IL1RAPL1: variants seen among roughly 807,000 people sequenced by gnomAD.
IL1RAPL1 encodes interleukin 1 receptor accessory protein like 1.
In IL1RAPL1, 3 loss-of-function variants were observed where a neutral mutation model predicts 48.4. The ratio of observed to expected loss-of-function variants is 0.06; its 90% CI spans 0.03 to 0.16. The LOEUF is 0.16. IL1RAPL1 is among the 10% of genes least tolerant of loss of function. The pLI is 1.00. For missense variants in IL1RAPL1, 349 were observed against 530.6 expected (o/e 0.66, Z 3.36); for synonymous variants, 185 against 187.7 (o/e 0.99, Z 0.12).
At chrX:29,732,587 A>G (rs1230468954) in intron 6 of IL1RAPL1, among the ~76,000 whole-genome samples, 1 of 112,239 alleles carries the variant, frequency 8.9e-6, no homozygotes, top group Non-Finnish European at 1.9e-5. Context: ...CTTCCACATA[A>G]TGAACATCCT....
chrX:29,221,738 C>T (rs1020126476), intron 2 of IL1RAPL1, among the ~76,000 whole-genome samples: 4 of 110,159 alleles, frequency 3.6e-5, no homozygotes, highest in East Asian at 5.7e-4. Flanking sequence ...ATGGGCCAGG[C>T]GCAGTGGCTC....
At position 28,734,787 on chromosome X, in the gene IL1RAPL1, T is replaced by C. The variant is rs1399674959; in HGVS notation, c.-24-54533T>C. Among the ~76,000 whole-genome samples, 3 of 112,123 alleles carry C rather than the reference T, an allele frequency of 2.7e-5. No homozygotes were observed. In the East Asian group the frequency reaches 8.4e-4, roughly 31 times the overall value. ...CATTTACTGGTTGGATCAGTACCTATTATTTTGTAGGCACTCAATAAATAC... is the reference window on the plus strand; with the variant it reads ...CATTTACTGGTTGGATCAGTACCTACTATTTTGTAGGCACTCAATAAATAC... On this transcript the variant is annotated intron_variant, in intron 1 of 10. Coordinates refer to ENST00000378993, the MANE Select transcript of IL1RAPL1 (RefSeq NM_014271.4).
At chrX:29,510,658 C>G (rs1342667112) in intron 5 of IL1RAPL1, among the ~76,000 whole-genome samples, 1 of 111,668 alleles carries the variant, frequency 9.0e-6, no homozygotes, top group Non-Finnish European at 1.9e-5. Context: ...GTGACATTGC[C>G]CATAGACTGC....
At chrX:29,207,144 T>G (rs1381941886) in intron 2 of IL1RAPL1, among the ~76,000 whole-genome samples, 3 of 111,491 alleles carry the variant, frequency 2.7e-5, no homozygotes, top group Non-Finnish European at 5.6e-5. Flanking sequence ...GTTCTGTAAG[T>G]GGAATTTTAA....
chrX:29,117,164 T>C (rs1281663786), intron 2 of IL1RAPL1, among the ~76,000 whole-genome samples: 1 of 111,465 alleles, frequency 9.0e-6, no homozygotes, highest in Non-Finnish European at 1.9e-5. Context: ...AAGGACTTGA[T>C]ATGGAAATGA....
chrX:29,885,592 C>A (rs747485144), intron 6 of IL1RAPL1, among the ~76,000 whole-genome samples: 5 of 111,710 alleles, frequency 4.5e-5, no homozygotes, highest in African/African-American at 6.5e-5. Context: ...AGGAGAATCT[C>A]TTGAGGCCAG....
At chrX:28,916,302 CT>C (rs962293040) in intron 2 of IL1RAPL1, among the ~76,000 whole-genome samples, 17 of 111,358 alleles carry the variant, frequency 1.5e-4, no homozygotes, top group African/African-American at 5.2e-4. Context: ...GGGACACTGG[CT>C]TTTTATTCTC....
intron 1 of IL1RAPL1, among the ~76,000 whole-genome samples, chrX:28,627,840 A>G (rs1429688039): frequency 9.1e-6 from 1 of 109,995 alleles, no homozygotes; most frequent in African/African-American, 3.3e-5. Flanking sequence ...CTCTTACTTT[A>G]TTGGGTCACA....
At chrX:29,534,272 G>A (rs1034994152) in intron 5 of IL1RAPL1, among the ~76,000 whole-genome samples, 6 of 111,690 alleles carry the variant, frequency 5.4e-5, no homozygotes, top group African/African-American at 2.0e-4. Context: ...CGAGCCCTCT[G>A]TTAAAACTCA....
chrX:29,310,323 CTCTTA>C (rs976352903), intron 3 of IL1RAPL1, among the ~76,000 whole-genome samples: 4 of 104,516 alleles, frequency 3.8e-5, no homozygotes, highest in African/African-American at 1.2e-4. Flanking sequence ...GACTTCTTTT[CTCTTA>C]TATTAGTTGG....
chrX:29,153,233 G>A lies in IL1RAPL1; in HGVS notation c.83-129705G>A, dbSNP rs145358877. Among the ~76,000 whole-genome samples, 9 of 111,229 alleles carry A rather than the reference G, an allele frequency of 8.1e-5. No individual in the cohort carries two copies. In the East Asian group the frequency reaches 2.0e-3, roughly 24 times the overall value. On this transcript the variant is annotated intron_variant, in intron 2 of 10. Coordinates refer to ENST00000378993, the MANE Select transcript of IL1RAPL1 (RefSeq NM_014271.4). Reference sequence around the variant, plus strand: ...TATTTAATACCCTTGCGATTACACTGGGCTCATCTGGATAACCCTGGCTTA... The same window carrying A: ...TATTTAATACCCTTGCGATTACACTAGGCTCATCTGGATAACCCTGGCTTA...
intron 2 of IL1RAPL1, among the ~76,000 whole-genome samples, chrX:29,228,177 T>TGC: frequency 2.3e-5 from 1 of 43,720 alleles, no homozygotes; most frequent in Admixed American, 2.8e-4. Context: ...GACACACGCG[T>TGC]GCACACACAC....
rs760904569 is a variant in IL1RAPL1, at chrX:28,669,512, A to G, written c.-25+81465A>G. ...CGCATGCCTGTAATCCCGGCTACTC[A>G]GGAAGCTGAGGCAGGAGAATCGCTT... is the stretch of plus-strand genomic sequence containing the variant. On this transcript the variant is annotated intron_variant, in intron 1 of 10. Coordinates refer to ENST00000378993, the MANE Select transcript of IL1RAPL1 (RefSeq NM_014271.4). 4.5e-3 allele frequency among the ~76,000 whole-genome samples: 486 copies of G among 108,336 alleles called. 1 individual carries two copies. The highest frequency in any genetic ancestry group is 7.6e-3 in the Non-Finnish European group (397 of 52,395). 94.1% of individuals were successfully genotyped at this position (108,336 alleles called of 115,157 possible).
intron 5 of IL1RAPL1, among the ~76,000 whole-genome samples, chrX:29,552,802 CTTTT>C (rs765234944): frequency 0.021 from 472 of 23,002 alleles, 1 homozygote; most frequent in Non-Finnish European, 0.031. Context: ...TTTCACTCTC[CTTTT>C]TTTTTTTTTT....
intron 6 of IL1RAPL1, among the ~76,000 whole-genome samples, chrX:29,738,263 C>T (rs1463058060): frequency 9.1e-6 from 1 of 110,489 alleles, no homozygotes; most frequent in Non-Finnish European, 1.9e-5. Flanking sequence ...TAGTGACCTA[C>T]CCATAGCAGT....
chrX:29,838,168 G>A (rs1931058021), intron 6 of IL1RAPL1, among the ~76,000 whole-genome samples: 1 of 112,084 alleles, frequency 8.9e-6, no homozygotes, highest in Admixed American at 9.4e-5. Flanking sequence ...GTGGGGTTCA[G>A]AACCAAATCT....
intron 6 of IL1RAPL1, among the ~76,000 whole-genome samples, chrX:29,752,074 GTGTA>G (rs1207019726): frequency 9.5e-5 from 8 of 84,243 alleles, no homozygotes; most frequent in East Asian, 3.8e-4. Flanking sequence ...ATATATATGT[GTGTA>G]TGTATATATA....
intron 6 of IL1RAPL1, among the ~76,000 whole-genome samples, chrX:29,738,502 A>T (rs1025819178): frequency 1.2e-5 from 1 of 85,319 alleles, no homozygotes; most frequent in African/African-American, 4.9e-5. Flanking sequence ...GCTGGAGTGT[A>T]TGGTGTGATC....
rs770924011 is a variant in IL1RAPL1 at position 29,727,101 on chromosome X, A to C, written c.778+58597A>C. On this transcript the variant is annotated intron_variant, in intron 6 of 10. Coordinates refer to ENST00000378993, the MANE Select transcript of IL1RAPL1 (RefSeq NM_014271.4). ...CGATGATATCTGGTTACTTTCAGAC[A>C]AAAGAAAATGTCTCATAACAATGGG... Among the ~76,000 whole-genome samples, 11 of 112,091 alleles carry C rather than the reference A, an allele frequency of 9.8e-5. No individual in the cohort carries two copies. In the South Asian group the frequency reaches 3.4e-3, roughly 34 times the overall value.
Sources: allele counts gnomAD v4.1 joint callset (sites outside exome capture counted in the v4.1 genomes callset), GRCh38; gene constraint gnomAD v4.1.1; transcripts MANE v1.5; gene names NCBI Gene and HGNC (gene_info 2026-07-23, HGNC 2026-07-21).